DMD: variants seen among roughly 807,000 people sequenced by gnomAD.
DMD encodes the protein mutant dystrophin.
A neutral mutation model predicts 330.1 loss-of-function variants in DMD; 63 were observed. The ratio of observed to expected loss-of-function variants is 0.19; its 90% CI spans 0.16 to 0.24. DMD has a LOEUF of 0.24. Among genes scored for constraint, DMD ranks in the 10% least tolerant of loss-of-function variants. DMD has a pLI of 1.00. For synonymous variants in DMD, 1,223 were observed against 959.8 expected (o/e 1.27, Z -5.07); for missense variants, 3,344 against 2,684.1 (o/e 1.25, Z -5.43).
intron 7 of DMD, among the ~76,000 whole-genome samples, chrX:32,722,534 T>C (rs1005600303): frequency 3.6e-4 from 40 of 110,599 alleles, no homozygotes; most frequent in African/African-American, 1.3e-3. Flanking sequence ...GACAGCTATA[T>C]ATCCATTTGG....
intron 9 of DMD, among the ~76,000 whole-genome samples, chrX:32,646,476 C>CA (rs951029084): frequency 9.9e-5 from 11 of 111,174 alleles, no homozygotes; most frequent in African/African-American, 3.6e-4. Flanking sequence ...ACAAATATTG[C>CA]AAGCAAGCAC....
intron 44 of DMD, among the ~76,000 whole-genome samples, chrX:32,044,936 A>G (rs2096051699): frequency 9.0e-6 from 1 of 111,604 alleles, no homozygotes; most frequent in African/African-American, 3.3e-5. Flanking sequence ...TATAGTTTGG[A>G]TATTTGCCGC....
At chrX:32,648,537 A>G (rs1460958256) in intron 9 of DMD, among the ~76,000 whole-genome samples, 2 of 111,566 alleles carry the variant, frequency 1.8e-5, no homozygotes, top group Non-Finnish European at 3.8e-5. Context: ...AGATGTGCAT[A>G]TGGGTTTATT....
intron 2 of DMD, among the ~76,000 whole-genome samples, chrX:33,010,605 C>T: frequency 9.0e-6 from 1 of 110,777 alleles, no homozygotes; most frequent in African/African-American, 3.3e-5. Context: ...TATTTTCAAA[C>T]GTTTTGGACG....
intron 1 of DMD, among the ~76,000 whole-genome samples, chrX:33,020,449 G>A (rs2093892565): frequency 1.8e-5 from 2 of 111,995 alleles, no homozygotes; most frequent in Admixed American, 9.5e-5. Flanking sequence ...CAGTGAGGAC[G>A]GATCACTTGA....
At chrX:32,546,804 T>C (rs748827405) in intron 16 of DMD, among the ~76,000 whole-genome samples, 7 of 111,505 alleles carry the variant, frequency 6.3e-5, no homozygotes, top group Non-Finnish European at 9.4e-5. Context: ...TATAAGTCTG[T>C]TGACAAGTTA....
Position 32,645,124 on chromosome X carries a change from A to G in DMD, c.989T>C (p.Phe330Ser), listed in dbSNP as rs777295040. The change falls in exon 10 of 79, where the codon TTT becomes TCT. Residue 330 changes from phenylalanine (F) to serine (S), a missense_variant. Transcript: ENST00000357033. ...QHLEAPEDKS[F>S]GSSLMESEVN... Reference sequence around the variant, plus strand: ...TTCACTCTCCATCAATGAACTGCCAAATGACTTGTCTTCAGGAGCTTCCAA... The same window carrying G: ...TTCACTCTCCATCAATGAACTGCCAGATGACTTGTCTTCAGGAGCTTCCAA... The G allele has an allele frequency of 6.6e-6, 8 of 1,211,577 alleles. No individual in the cohort carries two copies. The highest frequency in any genetic ancestry group is 3.0e-5 in the East Asian group (1 of 33,825).
chrX:32,565,950 C>A (rs1381977358), intron 15 of DMD, 69 bp from the exon 16 acceptor site: 2 of 971,340 alleles, frequency 2.1e-6, no homozygotes, highest in Non-Finnish European at 2.9e-6. Context: ...GTTCAATCTG[C>A]TTTTGCGTGT....
intron 76 of DMD, among the ~76,000 whole-genome samples, chrX:31,140,663 G>A (rs1391710453): frequency 8.9e-6 from 1 of 112,378 alleles, no homozygotes; most frequent in Non-Finnish European, 1.9e-5. Context: ...TGTGAATGGT[G>A]GTGAAAGATA....
At chrX:31,282,777 G>A (rs1421015632) in intron 62 of DMD, among the ~76,000 whole-genome samples, 1 of 111,394 alleles carries the variant, frequency 9.0e-6, no homozygotes, top group Non-Finnish European at 1.9e-5. Flanking sequence ...TGAGGATTAT[G>A]TGTGAGGGTA....
chrX:32,491,042 C>A (rs1301481482), intron 20 of DMD, among the ~76,000 whole-genome samples: 1 of 112,436 alleles, frequency 8.9e-6, no homozygotes, highest in African/African-American at 3.2e-5. Flanking sequence ...CTTACGCAAA[C>A]CGACACAATC....
chrX:33,326,634 C>A (rs1240999037), intron 1 of DMD, among the ~76,000 whole-genome samples: 1 of 111,615 alleles, frequency 9.0e-6, no homozygotes, highest in Non-Finnish European at 1.9e-5. Flanking sequence ...TTGTAAAGTA[C>A]CTTCTCTTCA....
At chrX:32,054,193 CT>C (rs752962567) in intron 44 of DMD, among the ~76,000 whole-genome samples, 9,744 of 94,583 alleles carry the variant, frequency 0.1, 541 homozygotes, top group African/African-American at 0.2. Flanking sequence ...GTATTTTCTT[CT>C]TTTTTTTTTT....
At chrX:32,419,439 C>G (rs755903909) in intron 29 of DMD, among the ~76,000 whole-genome samples, 1 of 112,215 alleles carries the variant, frequency 8.9e-6, no homozygotes, top group East Asian at 2.8e-4. Context: ...TTAAATATAA[C>G]TCTTGTGAGG....
intron 74 of DMD, among the ~76,000 whole-genome samples, chrX:31,162,026 G>T (rs1460051553): frequency 9.3e-6 from 1 of 108,032 alleles, no homozygotes; most frequent in Admixed American, 1.0e-4. Context: ...CTTTGTAAAG[G>T]CCTCTCTACT....
At chrX:33,138,149 A>G (rs1267206640) in intron 1 of DMD, among the ~76,000 whole-genome samples, 1 of 112,036 alleles carries the variant, frequency 8.9e-6, no homozygotes, top group East Asian at 2.8e-4. Flanking sequence ...GAGAAAATGA[A>G]AGAGTTGGAT....
chrX:31,394,535 T>C (rs2060823919), intron 60 of DMD, among the ~76,000 whole-genome samples: 1 of 112,252 alleles, frequency 8.9e-6, no homozygotes, highest in Non-Finnish European at 1.9e-5. Flanking sequence ...GGCTCGTGCC[T>C]GTAATCCCAG....
chrX:31,266,954 C>A, intron 62 of DMD: 2 of 1,081,657 alleles, frequency 1.8e-6, no homozygotes, highest in South Asian at 2.1e-5. Flanking sequence ...GAAAGCACTG[C>A]GGAGGAGCCG....
chrX:31,285,587 T>G (rs897169001), intron 62 of DMD, among the ~76,000 whole-genome samples: 3 of 111,918 alleles, frequency 2.7e-5, no homozygotes, highest in African/African-American at 9.7e-5. Flanking sequence ...ATATTGATTT[T>G]CATTAACGCT....
Sources: allele counts gnomAD v4.1 joint callset (sites outside exome capture counted in the v4.1 genomes callset), GRCh38; gene constraint gnomAD v4.1.1; transcripts MANE v1.5; gene names NCBI Gene and HGNC (gene_info 2026-07-23, HGNC 2026-07-21).